The following SERINC5 variants were observed in gnomAD, a reference collection of about 807,000 sequenced individuals.
The protein encoded by SERINC5 is serine incorporator 5.
SERINC5 carries 41 observed loss-of-function variants against 63.1 expected under a neutral mutation model. The ratio of observed to expected loss-of-function variants is 0.65; its 90% CI spans 0.51 to 0.84. The LOEUF (loss-of-function observed/expected upper bound fraction) is 0.84. Among genes scored for constraint, SERINC5 ranks in the 40% least tolerant of loss-of-function variants. The probability of loss-of-function intolerance (pLI) is 0.00; values close to 1 mark genes in which losing one functional copy is unlikely to be tolerated. For missense variants in SERINC5, 523 were observed against 573.0 expected (o/e 0.91, Z 0.89); for synonymous variants, 222 against 215.2 (o/e 1.03, Z -0.28).
At chr5:80,144,769 G>T in intron 11 of SERINC5, among the ~76,000 whole-genome samples, 1 of 152,172 alleles carries the variant, frequency 6.6e-6, no homozygotes, top group East Asian at 1.9e-4. Flanking sequence ...GTCATAGTCT[G>T]TCTCTCCTGC....
At chr5:80,154,084 T>C (rs1036961380) in intron 8 of SERINC5, among the ~76,000 whole-genome samples, 3 of 152,166 alleles carry the variant, frequency 2.0e-5, no homozygotes, top group Non-Finnish European at 4.4e-5. Context: ...TGTGCAATGA[T>C]GAAGATCAGT....
At chr5:80,205,414 A>G (rs1489818138) in intron 1 of SERINC5, among the ~76,000 whole-genome samples, 1 of 152,256 alleles carries the variant, frequency 6.6e-6, no homozygotes, top group East Asian at 1.9e-4. Context: ...GGATGAATGT[A>G]CAAGCACCCA....
Position 80,122,197 on chromosome 5 carries a change from G to GTATATATATATATATATATATA in SERINC5, c.1239-8573_1239-8572insTATATATATATATATATATATA, listed in dbSNP as rs10700420. Among the ~76,000 whole-genome samples, 421 of 116,674 alleles carry GTATATATATATATATATATATA rather than the reference G, an allele frequency of 3.6e-3. 14 individuals are homozygous for GTATATATATATATATATATATA. The highest frequency in any genetic ancestry group is 0.012 in the African/African-American group (292 of 25,242). 76.5% of individuals were successfully genotyped at this position (116,674 alleles called of 152,430 possible). ...CTTCTCTAGAGGGACAGAACTAATAGTATATATATATATATAATATGAGTT... is the reference window on the plus strand; with the variant it reads ...CTTCTCTAGAGGGACAGAACTAATAGTATATATATATATATATATATATATATATATATATATAATATGAGTT... On this transcript the variant is annotated intron_variant, in intron 11 of 12. Coordinates refer to the SERINC5 transcript ENST00000509193.
chr5:80,135,303 G>T (rs559879732), downstream of SERINC5, among the ~76,000 whole-genome samples: 1 of 152,258 alleles, frequency 6.6e-6, no homozygotes, highest in East Asian at 1.9e-4. Context: ...CAAAATGTTG[G>T]GATTACAGGC....
intron 1 of SERINC5, among the ~76,000 whole-genome samples, chr5:80,245,846 C>T (rs972222363): frequency 2.0e-5 from 3 of 151,548 alleles, no homozygotes; most frequent in Non-Finnish European, 4.4e-5. Flanking sequence ...AACTCCTGAC[C>T]TCAGGTGATC....
At chr5:80,128,626 C>G (rs116219958) in intron 11 of SERINC5, among the ~76,000 whole-genome samples, 7 of 152,118 alleles carry the variant, frequency 4.6e-5, no homozygotes, top group Non-Finnish European at 8.8e-5. Flanking sequence ...TCTGTGAAAG[C>G]AAATTAGTAA....
chr5:80,116,177 T>A (rs567712591), intron 11 of SERINC5: 1 of 399,626 alleles, frequency 2.5e-6, no homozygotes, highest in Non-Finnish European at 4.9e-6. Context: ...TTGTCTCTCT[T>A]CCCTGGAGAA....
At chr5:80,239,354 T>TA (rs1473074699) in intron 1 of SERINC5, among the ~76,000 whole-genome samples, 2 of 152,214 alleles carry the variant, frequency 1.3e-5, no homozygotes, top group African/African-American at 4.8e-5. Context: ...TGGAGTGTGC[T>TA]AAAAGGTCTG....
chr5:80,228,947 T>C lies in SERINC5; in HGVS notation c.28-25894A>G, dbSNP rs186348043. Among the ~76,000 whole-genome samples, 241 of 149,720 alleles carry C rather than the reference T, an allele frequency of 1.6e-3. 4 individuals are homozygous for C. The highest frequency in any genetic ancestry group is 3.5e-3 in the Middle Eastern group (1 of 288). On this transcript the variant is annotated intron_variant, in intron 1 of 11. Coordinates refer to ENST00000507668, the MANE Select transcript of SERINC5 (RefSeq NM_001174072.3). Reference sequence around the variant, plus strand: ...AAAGGTGGAAAACAAAAACTATACTTAGGCTTACAACAAATTTAGTGATAA... The same window carrying C: ...AAAGGTGGAAAACAAAAACTATACTCAGGCTTACAACAAATTTAGTGATAA...
chr5:80,188,282 C>CAAAAA (rs34863168), intron 2 of SERINC5, among the ~76,000 whole-genome samples: 1 of 82,782 alleles, frequency 1.2e-5, no homozygotes, highest in African/African-American at 4.5e-5. Flanking sequence ...GACTCCGTCT[C>CAAAAA]AAAAAAAAAA....
At chr5:80,228,068 G>GAAA (rs535973486) in intron 1 of SERINC5, among the ~76,000 whole-genome samples, 71 of 131,552 alleles carry the variant, frequency 5.4e-4, no homozygotes, top group African/African-American at 1.7e-3. Context: ...CAAATAATAT[G>GAAA]AAAAAAAAAA....
intron 12 of SERINC5, among the ~76,000 whole-genome samples, chr5:80,112,908 G>C (rs1051196728): frequency 6.6e-6 from 1 of 152,170 alleles, no homozygotes; most frequent in Non-Finnish European, 1.5e-5. Context: ...AGGCTGCAGT[G>C]AGCTGTGATC....
rs1206792363 is a variant in SERINC5 at position 80,158,955 on chromosome 5, A to C, written c.867T>G (p.Asp289Glu). 6.2e-7 allele frequency: 1 copy of C among 1,613,534 alleles called. No individual in the cohort carries two copies. Among genetic ancestry groups the C allele is most frequent in the Admixed American group, 1.7e-5 (1 of 59,992 alleles). ...AGATTGTAACATTTTTCCCATGTTC[A>C]TCTAGAACTTGAAAAGAAAAAACAA... ...LSSKPAEVVL[D>E]EHGKNVTICV... Residue 289 changes from aspartate (D) to glutamate (E), a missense_variant, in exon 8 of 12, where the codon GAT becomes GAG. Physicochemically the swap from Asp to Glu is conservative, Grantham distance 45. Coordinates refer to ENST00000507668, the MANE Select transcript of SERINC5 (RefSeq NM_001174072.3).
chr5:80,244,085 T>TTTA (rs1752060898), intron 1 of SERINC5, among the ~76,000 whole-genome samples: 1 of 152,158 alleles, frequency 6.6e-6, no homozygotes, highest in Admixed American at 6.5e-5. Flanking sequence ...CCCAGACCTC[T>TTTA]TTAGGCTCTT....
chr5:80,113,064 T>G (rs908395825), intron 12 of SERINC5, among the ~76,000 whole-genome samples: 6 of 152,246 alleles, frequency 3.9e-5, no homozygotes, highest in Non-Finnish European at 7.3e-5. Context: ...TTGAAGTTGT[T>G]TAATTCTTTT....
In SERINC5 at chr5:80,164,146, C is replaced by T. The variant is rs936693033; in HGVS notation, c.859+2237G>A. Among the ~76,000 whole-genome samples the T allele has an allele frequency of 1.3e-5, 2 of 152,086 alleles. 1 individual carries two copies. The highest frequency in any genetic ancestry group is 4.1e-4 in the South Asian group (2 of 4,834). The stretch of plus-strand genomic sequence containing the variant: ...TCTAGTTTGTAAGTATATGGAAGTT[C>T]ATAATAGTCTGTAATGATCTTTTGT... On this transcript the variant is annotated intron_variant, in intron 7 of 11. Coordinates refer to ENST00000507668, the MANE Select transcript of SERINC5 (RefSeq NM_001174072.3).
At chr5:80,180,865 G>A (rs1175121152) in intron 2 of SERINC5, among the ~76,000 whole-genome samples, 2 of 152,370 alleles carry the variant, frequency 1.3e-5, no homozygotes, top group African/African-American at 4.8e-5. Context: ...AGTGTGAAAT[G>A]TAACAGACTG....
chr5:80,149,035 A>T (rs1048775986), intron 9 of SERINC5, among the ~76,000 whole-genome samples: 7 of 152,222 alleles, frequency 4.6e-5, no homozygotes, highest in Non-Finnish European at 1.0e-4. Context: ...ATGAACTCTC[A>T]CTTTCAAAGT....
chr5:80,161,557 T>C (rs1347797335), intron 7 of SERINC5, among the ~76,000 whole-genome samples: 4 of 152,214 alleles, frequency 2.6e-5, no homozygotes, highest in Non-Finnish European at 4.4e-5. Flanking sequence ...TGGGATTATT[T>C]GGTGTTTTTT....
Sources: gnomAD v4.1 joint callset for allele counts (sites outside exome capture counted in the v4.1 genomes callset) on GRCh38, gnomAD v4.1.1 for gene constraint, MANE v1.5 for transcripts, NCBI Gene and HGNC (gene_info 2026-07-23, HGNC 2026-07-21) for gene names.